Variants in MAML3 observed in about 807,000 individuals in gnomAD.
MAML3 encodes the protein mastermind-like protein 3.
Under a neutral mutation model 101.9 loss-of-function variants are expected in MAML3, and 27 were observed. That is an observed-to-expected ratio of 0.27 (90% CI 0.20 to 0.37). The LOEUF is 0.37. MAML3 is among the 10% of genes least tolerant of loss of function. The pLI is 1.00. For missense variants in MAML3, 1,316 were observed against 1,444.9 expected, an observed-to-expected ratio of 0.91 and a Z score of 1.45; for synonymous variants, 501 against 555.9, an observed-to-expected ratio of 0.90 and a Z score of 1.39.
chr4:139,770,290 C>T (rs1309759694), intron 2 of MAML3, among the ~76,000 whole-genome samples: 1 of 152,118 alleles, frequency 6.6e-6, no homozygotes, highest in Non-Finnish European at 1.5e-5. Flanking sequence ...ATTACCTTTG[C>T]CTATGAATTA....
At chr4:139,809,240 T>C (rs772047638) in intron 2 of MAML3, among the ~76,000 whole-genome samples, 1 of 152,140 alleles carries the variant, frequency 6.6e-6, no homozygotes, top group Non-Finnish European at 1.5e-5. Context: ...GAACTTAAGG[T>C]AGGCAAAGAC....
chr4:139,734,749 T>C (rs1234024057), intron 2 of MAML3, among the ~76,000 whole-genome samples: 1 of 152,226 alleles, frequency 6.6e-6, no homozygotes, highest in Non-Finnish European at 1.5e-5. Flanking sequence ...AAGCTTTATT[T>C]TTCTGAAGTG....
At chr4:140,083,032 T>G (rs1727887371) in intron 1 of MAML3, among the ~76,000 whole-genome samples, 1 of 152,232 alleles carries the variant, frequency 6.6e-6, no homozygotes, top group Non-Finnish European at 1.5e-5. Context: ...TATATAGTGC[T>G]TAACAGTTTA....
intron 1 of MAML3, among the ~76,000 whole-genome samples, chr4:139,994,349 C>T (rs1391543423): frequency 6.6e-6 from 1 of 152,138 alleles, no homozygotes; most frequent in Non-Finnish European, 1.5e-5. Flanking sequence ...CTTAATTTAA[C>T]TTTCAGATTG....
intron 1 of MAML3, among the ~76,000 whole-genome samples, chr4:139,994,255 T>C (rs1734758151): frequency 6.6e-6 from 1 of 152,270 alleles, no homozygotes; most frequent in African/African-American, 2.4e-5. Context: ...TTTTACAGTT[T>C]TCAGTGTATA....
chr4:139,784,093 G>T lies in MAML3; in HGVS notation c.2080-53426C>A, dbSNP rs574974802. Among the ~76,000 whole-genome samples, 27 of 152,244 alleles carry T rather than the reference G, an allele frequency of 1.8e-4. No individual in the cohort carries two copies. The South Asian group carries it at 5.6e-3, about 32-fold the overall frequency. Reference sequence around the variant, plus strand: ...CACAACAGCTTTCTCTGATGCAAGAGAAGAAAAAAGAAGAAAGGACCCTTG... The same window carrying T: ...CACAACAGCTTTCTCTGATGCAAGATAAGAAAAAAGAAGAAAGGACCCTTG... On this transcript the variant is annotated intron_variant, in intron 2 of 4. Coordinates refer to ENST00000509479, the MANE Select transcript of MAML3 (RefSeq NM_018717.5).
intron 1 of MAML3, among the ~76,000 whole-genome samples, chr4:140,046,849 C>CTATATATATTA (rs1560876601): frequency 6.6e-6 from 1 of 151,926 alleles, no homozygotes; most frequent in Non-Finnish European, 1.5e-5. Context: ...TAAATGCAGT[C>CTATATATATTA]TATATATATT....
At chr4:139,878,755 A>G (rs760948716) in intron 2 of MAML3, among the ~76,000 whole-genome samples, 3 of 152,166 alleles carry the variant, frequency 2.0e-5, no homozygotes, top group Non-Finnish European at 4.4e-5. Context: ...GATGTGATTG[A>G]GCATCAGAAC....
chr4:139,816,532 G>C (rs556850820), intron 2 of MAML3, among the ~76,000 whole-genome samples: 1 of 152,250 alleles, frequency 6.6e-6, no homozygotes, highest in African/African-American at 2.4e-5. Context: ...CAGCGGTGGG[G>C]GAGGGAGAGA....
rs573614707 is a variant in MAML3, at chr4:140,040,018, A to G, written c.468+112842T>C. Among the ~76,000 whole-genome samples, 16 of 152,320 alleles carry G rather than the reference A, an allele frequency of 1.1e-4. No individual in the cohort carries two copies. The East Asian group carries it at 3.1e-3, about 29-fold the overall frequency. ...GGAGTGCACAAAGACATGAGAGGAC[A>G]GACCAGTGAGACCAGAATGCAGTCA... On this transcript the variant is annotated intron_variant, in intron 1 of 4. Coordinates refer to ENST00000509479, the MANE Select transcript of MAML3 (RefSeq NM_018717.5).
chr4:139,773,504 T>C (rs572524475), intron 2 of MAML3, among the ~76,000 whole-genome samples: 2 of 152,330 alleles, frequency 1.3e-5, no homozygotes, highest in South Asian at 4.1e-4. Context: ...TCTTCACTAG[T>C]CAAAAGTGTG....
chr4:139,747,677 G>C (rs1729371024), intron 2 of MAML3, among the ~76,000 whole-genome samples: 1 of 144,466 alleles, frequency 6.9e-6, no homozygotes, highest in African/African-American at 2.6e-5. Context: ...CTGGGCAAGA[G>C]AGCAAGACTC....
chr4:140,017,948 T>C (rs1726669329), intron 1 of MAML3, among the ~76,000 whole-genome samples: 1 of 151,988 alleles, frequency 6.6e-6, no homozygotes, highest in African/African-American at 2.4e-5. Flanking sequence ...ACATGAGATG[T>C]GTCTGTATCA....
chr4:140,000,756 G>A (rs529319350), intron 1 of MAML3, among the ~76,000 whole-genome samples: 2 of 152,098 alleles, frequency 1.3e-5, no homozygotes, highest in Non-Finnish European at 2.9e-5. Flanking sequence ...GGCTGGGTGC[G>A]GTGGCTCACG....
At position 139,885,963 on chromosome 4, in the gene MAML3, A is replaced by G. The variant is rs1732330373; in HGVS notation, c.2079+3394T>C. Among the ~76,000 whole-genome samples the G allele has an allele frequency of 2.8e-5, 4 of 141,246 alleles. No individual in the cohort carries two copies. In the South Asian group the frequency reaches 6.9e-4, roughly 24 times the overall value. 92.7% of individuals were successfully genotyped at this position (141,246 alleles called of 152,430 possible). A position where few individuals can be genotyped will look rare whatever the true frequency, so the allele number is the denominator to read the frequency against. ...AAAAAAAAAAAAAAAAAAAAGAAAG[A>G]GAAAAAAAGTAAAGGGAATAAAGAA... On this transcript the variant is annotated intron_variant, in intron 2 of 4. Transcript: ENST00000509479.
intron 2 of MAML3, among the ~76,000 whole-genome samples, chr4:139,872,138 A>C (rs947817484): frequency 3.9e-5 from 6 of 152,212 alleles, no homozygotes; most frequent in Non-Finnish European, 7.3e-5. Flanking sequence ...TAACCCTTGC[A>C]TTTGATCATT....
chr4:139,829,337 G>C (rs1490495755), intron 2 of MAML3, among the ~76,000 whole-genome samples: 1 of 152,330 alleles, frequency 6.6e-6, no homozygotes, highest in African/African-American at 2.4e-5. Context: ...AAGGACTGAG[G>C]ACTAGTAGAA....
At chr4:140,141,386 G>A (rs1728978235) in intron 1 of MAML3, among the ~76,000 whole-genome samples, 1 of 152,188 alleles carries the variant, frequency 6.6e-6, no homozygotes, top group African/African-American at 2.4e-5. Flanking sequence ...TTACACAGAT[G>A]ACTGGATTAG....
intron 1 of MAML3, among the ~76,000 whole-genome samples, chr4:140,031,478 A>G (rs902389799): frequency 6.6e-6 from 1 of 152,204 alleles, no homozygotes; most frequent in Non-Finnish European, 1.5e-5. Flanking sequence ...TGAGGAGACT[A>G]CAAAGTTATT....
Sources: allele counts gnomAD v4.1 joint callset (sites outside exome capture counted in the v4.1 genomes callset), GRCh38; gene constraint gnomAD v4.1.1; transcripts MANE v1.5; gene names NCBI Gene and HGNC (gene_info 2026-07-23, HGNC 2026-07-21).